PRKCA: variants seen among roughly 807,000 people sequenced by gnomAD.
The protein encoded by PRKCA is protein kinase C alpha type.
A neutral mutation model predicts 87.0 loss-of-function variants in PRKCA; 27 were observed. That is an observed-to-expected ratio of 0.31 (90% CI 0.23 to 0.43). The LOEUF (loss-of-function observed/expected upper bound fraction) is 0.43, where lower values mean the gene tolerates loss of function less well. PRKCA is among the 20% of genes least tolerant of loss of function. The probability of loss-of-function intolerance (pLI) is 1.00; values close to 1 mark genes in which losing one functional copy is unlikely to be tolerated. For synonymous variants in PRKCA, 329 were observed against 311.1 expected (o/e 1.06, Z -0.61); for missense variants, 518 against 852.3 (o/e 0.61, Z 4.88).
intron 5 of PRKCA, among the ~76,000 whole-genome samples, chr17:66,652,536 CA>C (rs372959092): frequency 1.0e-3 from 152 of 151,806 alleles, no homozygotes; most frequent in African/African-American, 3.6e-3. Flanking sequence ...TCAACAAAAG[CA>C]AAAAAACAGA....
chr17:66,580,270 C>A (rs1289615932), intron 3 of PRKCA, among the ~76,000 whole-genome samples: 2 of 152,182 alleles, frequency 1.3e-5, no homozygotes, highest in Non-Finnish European at 2.9e-5. Flanking sequence ...CAGCATTACT[C>A]CCCTAGCTCC....
intron 8 of PRKCA, among the ~76,000 whole-genome samples, chr17:66,727,522 T>C (rs1414776571): frequency 6.6e-6 from 1 of 152,168 alleles, no homozygotes; most frequent in Non-Finnish European, 1.5e-5. Context: ...TGGGTCCAGT[T>C]GGTCTTAGCC....
chr17:66,324,297 G>A (rs1598591274), intron 2 of PRKCA, among the ~76,000 whole-genome samples: 1 of 152,108 alleles, frequency 6.6e-6, no homozygotes, highest in East Asian at 1.9e-4. Context: ...AAAATACTAA[G>A]GGTGCTTTTA....
intron 8 of PRKCA, among the ~76,000 whole-genome samples, chr17:66,719,201 A>G (rs1186702052): frequency 2.0e-5 from 3 of 152,238 alleles, no homozygotes; most frequent in Non-Finnish European, 4.4e-5. Flanking sequence ...TAGGTGTCTA[A>G]CAATAAGGAA....
intron 2 of PRKCA, among the ~76,000 whole-genome samples, chr17:66,316,326 T>G (rs1014881650): frequency 6.6e-6 from 1 of 152,158 alleles, no homozygotes. Context: ...CATGTCATCA[T>G]TTTCAGAACA....
chr17:66,379,634 C>T (rs1353891611), intron 2 of PRKCA, among the ~76,000 whole-genome samples: 1 of 152,080 alleles, frequency 6.6e-6, no homozygotes, highest in Non-Finnish European at 1.5e-5. Context: ...GCACTTTTTG[C>T]CTGTTCGGTT....
intron 8 of PRKCA, among the ~76,000 whole-genome samples, chr17:66,721,351 G>A (rs188621953): frequency 3.3e-5 from 5 of 150,064 alleles, no homozygotes; most frequent in East Asian, 2.0e-4. Flanking sequence ...AGCCGAGATC[G>A]GGCCACTGCA....
chr17:66,687,686 G>A (rs1416507890), intron 6 of PRKCA, among the ~76,000 whole-genome samples: 1 of 152,194 alleles, frequency 6.6e-6, no homozygotes, highest in Non-Finnish European at 1.5e-5. Flanking sequence ...TATTGCCACT[G>A]AAATGGGAAG....
chr17:66,409,056 GAAGAAGAATA>G (rs1212909612), intron 2 of PRKCA, among the ~76,000 whole-genome samples: 9 of 64,510 alleles, frequency 1.4e-4, no homozygotes, highest in African/African-American at 4.7e-4. Context: ...AAAAAAAAAA[GAAGAAGAATA>G]AATAGTGGTT....
rs114824974 is a variant in PRKCA, at chr17:66,653,842, G to A, written c.529+8331G>A. Among the ~76,000 whole-genome samples, 1,057 of 146,342 alleles carry A rather than the reference G, an allele frequency of 7.2e-3. 16 individuals carry two copies. The highest frequency in any genetic ancestry group is 0.025 in the African/African-American group (997 of 39,436). The stretch of plus-strand genomic sequence containing the variant: ...AACAAGCTTTATGATGCTCACATAT[G>A]AGAAACTACTTCCTTTAGTTTGTCT... On this transcript the variant is annotated intron_variant, in intron 5 of 16. Coordinates refer to ENST00000413366, the MANE Select transcript of PRKCA (RefSeq NM_002737.3).
chr17:66,660,497 C>T (rs1164735720), intron 5 of PRKCA, among the ~76,000 whole-genome samples: 1 of 152,074 alleles, frequency 6.6e-6, no homozygotes, highest in Non-Finnish European at 1.5e-5. Context: ...GCCCGGGGAC[C>T]CTCTGAAAAT....
At chr17:66,587,942 G>C (rs1398698539) in intron 3 of PRKCA, among the ~76,000 whole-genome samples, 1 of 114,250 alleles carries the variant, frequency 8.8e-6, no homozygotes, top group Admixed American at 1.0e-4. Flanking sequence ...TCCTGCAGTA[G>C]CTCTTCTTGT....
rs1252957725 is a variant in PRKCA at position 66,810,586 on chromosome 17, A to G, written c.*6549A>G. The G allele has an allele frequency of 1.3e-5, 2 of 152,152 alleles. No homozygotes were observed. Among genetic ancestry groups the G allele is most frequent in the African/African-American group, 4.8e-5 (2 of 41,450 alleles). The allele number at this position is 152,152 out of a possible 1,614,324, so 9.4% of individuals were successfully genotyped here. On this transcript the variant is annotated 3_prime_UTR_variant, in exon 17 of 17. Coordinates refer to ENST00000413366, the MANE Select transcript of PRKCA (RefSeq NM_002737.3). ...AGAGGCCATTCAACCGTCAAACACC[A>G]TTTGGTTATATCGCAGAGGAGACGG...
At chr17:66,655,968 CTGAT>C (rs1323802067) in intron 5 of PRKCA, among the ~76,000 whole-genome samples, 1 of 152,184 alleles carries the variant, frequency 6.6e-6, no homozygotes, top group African/African-American at 2.4e-5. Context: ...CTCGTCCTGA[CTGAT>C]CTGTGGCTCA....
At chr17:66,725,872 C>T (rs1973734943) in intron 8 of PRKCA, among the ~76,000 whole-genome samples, 5 of 152,036 alleles carry the variant, frequency 3.3e-5, no homozygotes, top group South Asian at 4.2e-4. Context: ...TGACGTAGCC[C>T]CATGGTTTTG....
intron 2 of PRKCA, among the ~76,000 whole-genome samples, chr17:66,478,755 C>CT (rs1567849667): frequency 8.2e-6 from 1 of 121,670 alleles, no homozygotes; most frequent in East Asian, 2.2e-4. Flanking sequence ...TAGAGACAGC[C>CT]CCGTATCACG....
At chr17:66,551,203 C>T (rs1968315712) in intron 3 of PRKCA, among the ~76,000 whole-genome samples, 1 of 152,302 alleles carries the variant, frequency 6.6e-6, no homozygotes, top group South Asian at 2.1e-4. Context: ...GCTGGGACCA[C>T]AGGCATGCAC....
At chr17:66,544,685 C>T (rs1181543280) in intron 3 of PRKCA, among the ~76,000 whole-genome samples, 2 of 152,126 alleles carry the variant, frequency 1.3e-5, no homozygotes. Flanking sequence ...CTCCACCTCC[C>T]AGGTTCAAGC....
At chr17:66,563,808 T>C (rs1320313711) in intron 3 of PRKCA, among the ~76,000 whole-genome samples, 1 of 152,256 alleles carries the variant, frequency 6.6e-6, no homozygotes, top group Admixed American at 6.5e-5. Context: ...GTACTGTCTG[T>C]GCAGAGGTAC....
Sources: allele counts gnomAD v4.1 joint callset (sites outside exome capture counted in the v4.1 genomes callset), GRCh38; gene constraint gnomAD v4.1.1; transcripts MANE v1.5; gene names NCBI Gene and HGNC (gene_info 2026-07-23, HGNC 2026-07-21).